The following SHANK2 variants were observed in gnomAD, a reference collection of about 807,000 sequenced individuals.
SHANK2 encodes the protein SH3 and multiple ankyrin repeat domains protein 2.
In SHANK2, 43 loss-of-function variants were observed where a neutral mutation model predicts 133.7. The observed-to-expected ratio is 0.32, with a 90% CI of 0.25 to 0.41. The LOEUF (loss-of-function observed/expected upper bound fraction) is 0.41, where lower values mean the gene tolerates loss of function less well. Ranked by LOEUF, SHANK2 falls within the 10% of genes least tolerant of loss-of-function variation. The pLI is 1.00. For synonymous variants in SHANK2, 1,017 were observed against 952.8 expected, an observed-to-expected ratio of 1.07 and a Z score of -1.24; for missense variants, 1,994 against 2,235.8, an observed-to-expected ratio of 0.89 and a Z score of 2.18.
Position 70,485,926 on chromosome 11 carries a change from G to A in SHANK2, c.4367C>T (p.Pro1456Leu). 1 of 1,614,106 alleles carries A rather than the reference G, an allele frequency of 6.2e-7. No individual in the cohort carries two copies. Residue 1456 changes from proline to leucine, a missense_variant, in exon 25 of 26, where the codon CCA (proline) becomes CTA (leucine). Around this residue, in one of 5 missense-constraint regions of SHANK2, gnomAD observed 797 missense variants for 907.4 expected, o/e 0.88. Coordinates refer to ENST00000601538, the MANE Select transcript of SHANK2 (RefSeq NM_012309.5). The surrounding 1 kb of genome is among the most constrained non-coding windows in gnomAD (Gnocchi z 5.8). Reference protein sequence around the residue: ...PQSPSLNSSQPTNSADSKKPA... With the variant: ...PQSPSLNSSQLTNSADSKKPA... ...CTTCTTGCTGTCTGCAGAGTTGGTT[G>A]GTTGGCTGGAGTTCAACGAAGGGGA...
At chr11:70,766,225 A>G (rs1555041340) in intron 14 of SHANK2, among the ~76,000 whole-genome samples, 2 of 152,246 alleles carry the variant, frequency 1.3e-5, no homozygotes, top group African/African-American at 4.8e-5. Context: ...CCTATTAAGG[A>G]TGTTGGAGCA....
At chr11:70,818,482 C>T (rs1159718355) in intron 12 of SHANK2, among the ~76,000 whole-genome samples, 2 of 152,236 alleles carry the variant, frequency 1.3e-5, no homozygotes, top group Non-Finnish European at 2.9e-5. Context: ...CCTGGCCACG[C>T]TGCCTTTGCT....
chr11:70,914,717 T>TAAAATAAAATAAAACAAAAC (rs1489678395), intron 10 of SHANK2, among the ~76,000 whole-genome samples: 13 of 145,466 alleles, frequency 8.9e-5, no homozygotes, highest in African/African-American at 3.4e-4. Context: ...TAAAATAAAA[T>TAAAATAAAATAAAACAAAAC]AAAACAAAAC....
chr11:71,140,078 G>A (rs572204014), intron 3 of SHANK2, among the ~76,000 whole-genome samples: 1 of 152,300 alleles, frequency 6.6e-6, no homozygotes, highest in East Asian at 1.9e-4. Flanking sequence ...GAACTGTCTC[G>A]TGTCCCTGGC....
At chr11:71,235,902 G>C (rs1555123677) in intron 1 of SHANK2, among the ~76,000 whole-genome samples, 1 of 152,178 alleles carries the variant, frequency 6.6e-6, no homozygotes, top group African/African-American at 2.4e-5. Context: ...CATCCTGCCG[G>C]CTGCCTTTGC....
intron 17 of SHANK2, among the ~76,000 whole-genome samples, chr11:70,564,788 C>T (rs2059948275): frequency 6.6e-6 from 1 of 152,162 alleles, no homozygotes. Flanking sequence ...TCCTGTGTAT[C>T]CGTCATCTCA....
At chr11:70,794,784 A>G (rs1947872901) in intron 14 of SHANK2, among the ~76,000 whole-genome samples, 1 of 152,076 alleles carries the variant, frequency 6.6e-6, no homozygotes, top group South Asian at 2.1e-4. Flanking sequence ...TCAAACTCCT[A>G]ACCTCAAGTG....
intron 15 of SHANK2, among the ~76,000 whole-genome samples, chr11:70,662,823 C>T (rs1944595246): frequency 6.6e-6 from 1 of 152,166 alleles, no homozygotes; most frequent in East Asian, 1.9e-4. Flanking sequence ...TGGGACGGTG[C>T]CCTGCTCAGT....
At chr11:71,103,187 G>A (rs1326576309) in intron 6 of SHANK2, among the ~76,000 whole-genome samples, 3 of 152,214 alleles carry the variant, frequency 2.0e-5, no homozygotes, top group Non-Finnish European at 4.4e-5. Flanking sequence ...CGGCCACCCA[G>A]TTGGGCTCTC....
rs940640764 is a variant in SHANK2 at position 70,662,784 on chromosome 11, C to T, written c.1854-1106G>A. 2.0e-5 allele frequency among the ~76,000 whole-genome samples: 3 copies of T among 152,118 alleles called. No homozygotes were observed. The South Asian group carries it at 6.2e-4, about 32-fold the overall frequency. On this transcript the variant is annotated intron_variant, in intron 15 of 25. Transcript: ENST00000601538. ...TTTCCTGCTGGCACTCGCCACATGA[C>T]ATCCAGCCCCCGAGGCACCCAGAGT...
At chr11:70,729,771 G>A (rs868935677) in intron 14 of SHANK2, among the ~76,000 whole-genome samples, 44 of 151,308 alleles carry the variant, frequency 2.9e-4, no homozygotes, top group Admixed American at 1.6e-3. Flanking sequence ...CTGACCTCAT[G>A]ATCTGCCTGC....
intron 11 of SHANK2, among the ~76,000 whole-genome samples, chr11:70,863,047 G>A (rs1949287308): frequency 6.6e-6 from 1 of 152,188 alleles, no homozygotes; most frequent in East Asian, 1.9e-4. Context: ...AGGACTTACG[G>A]AGCAGGGGTA....
chr11:70,730,226 G>A (rs930492920), intron 14 of SHANK2, among the ~76,000 whole-genome samples: 5 of 152,082 alleles, frequency 3.3e-5, no homozygotes, highest in East Asian at 1.9e-4. Flanking sequence ...GGAGTTCCCC[G>A]AGCTCTTTGA....
At chr11:70,932,366 A>G (rs1437468133) in intron 10 of SHANK2, among the ~76,000 whole-genome samples, 1 of 152,258 alleles carries the variant, frequency 6.6e-6, no homozygotes, top group Admixed American at 6.5e-5. Context: ...AGAAGGAATA[A>G]GGGGTCTTCA....
At chr11:71,212,520 G>A (rs920071836) in intron 2 of SHANK2, among the ~76,000 whole-genome samples, 1 of 152,302 alleles carries the variant, frequency 6.6e-6, no homozygotes, top group Non-Finnish European at 1.5e-5. Flanking sequence ...GCATCCATGT[G>A]CATCATGTGG....
At chr11:70,881,466 G>C (rs1275662834) in intron 11 of SHANK2, among the ~76,000 whole-genome samples, 1 of 151,676 alleles carries the variant, frequency 6.6e-6, no homozygotes, top group Non-Finnish European at 1.5e-5. Flanking sequence ...TGTAATTCCT[G>C]CACTTTGTGA....
intron 14 of SHANK2, among the ~76,000 whole-genome samples, chr11:70,717,775 T>C (rs1945973878): frequency 2.0e-5 from 3 of 149,540 alleles, no homozygotes; most frequent in Admixed American, 1.3e-4. Flanking sequence ...ACTGAGTCCG[T>C]GGGGCGGCCT....
At chr11:71,165,468 T>C (rs2135481445) in intron 2 of SHANK2, among the ~76,000 whole-genome samples, 2 of 152,336 alleles carry the variant, frequency 1.3e-5, no homozygotes, top group South Asian at 4.1e-4. Flanking sequence ...GTCCTCAGTG[T>C]ATCCTGCTCC....
intron 2 of SHANK2, among the ~76,000 whole-genome samples, chr11:71,222,179 C>A (rs1954557932): frequency 7.1e-6 from 1 of 140,584 alleles, no homozygotes; most frequent in East Asian, 2.3e-4. Flanking sequence ...GGGGACTGAT[C>A]TTCCCAGAAA....
Sources: gnomAD v4.1 joint callset for allele counts (sites outside exome capture counted in the v4.1 genomes callset) on GRCh38, gnomAD v4.1.1 for gene constraint, gnomAD v4.1.1 regional missense constraint, Gnocchi (gnomAD v3.1) non-coding constraint, MANE v1.5 for transcripts, NCBI Gene and HGNC (gene_info 2026-07-23, HGNC 2026-07-21) for gene names.